The following LRRTM4 variants were observed in gnomAD, a reference collection of about 807,000 sequenced individuals.
LRRTM4 encodes leucine rich repeat transmembrane neuronal 4.
In LRRTM4, 25 loss-of-function variants were observed where a neutral mutation model predicts 47.6. The ratio of observed to expected loss-of-function variants is 0.53; its 90% CI spans 0.38 to 0.73. The LOEUF (loss-of-function observed/expected upper bound fraction) is 0.73. Among genes scored for constraint, LRRTM4 ranks in the 30% least tolerant of loss-of-function variants. The pLI, the probability that LRRTM4 is intolerant of heterozygous loss-of-function variation, is 0.00. For synonymous variants in LRRTM4, 311 were observed against 269.5 expected, an observed-to-expected ratio of 1.15 and a Z score of -1.51; for missense variants, 638 against 713.4, an observed-to-expected ratio of 0.89 and a Z score of 1.20.
At chr2:77,276,569 C>A (rs956332553) in intron 3 of LRRTM4, among the ~76,000 whole-genome samples, 1 of 149,540 alleles carries the variant, frequency 6.7e-6, no homozygotes, top group Non-Finnish European at 1.5e-5. Context: ...CATTTATTAT[C>A]GTCTTGCATA....
chr2:77,504,158 T>C (rs1231484370), intron 3 of LRRTM4, among the ~76,000 whole-genome samples: 1 of 151,710 alleles, frequency 6.6e-6, no homozygotes, highest in African/African-American at 2.4e-5. Context: ...AAAAATGATA[T>C]AGATTCAGGT....
intron 3 of LRRTM4, among the ~76,000 whole-genome samples, chr2:77,228,200 G>A (rs1674866226): frequency 6.6e-6 from 1 of 151,872 alleles, no homozygotes; most frequent in Non-Finnish European, 1.5e-5. Context: ...TTATTATTTG[G>A]GTGCTGTCCA....
intron 3 of LRRTM4, among the ~76,000 whole-genome samples, chr2:77,084,044 A>T (rs1485656499): frequency 4.0e-5 from 6 of 151,694 alleles, no homozygotes; most frequent in Non-Finnish European, 5.9e-5. Flanking sequence ...TGACCTCGTG[A>T]TCCACCCGCC....
At chr2:77,516,911 T>G in intron 3 of LRRTM4, 1 of 984,584 alleles carries the variant, frequency 1.0e-6, no homozygotes, top group Non-Finnish European at 1.2e-6. Flanking sequence ...AAAATTGGAG[T>G]ATATGCTATC....
intron 3 of LRRTM4, among the ~76,000 whole-genome samples, chr2:77,198,455 A>G (rs770292470): frequency 3.3e-5 from 5 of 152,194 alleles, no homozygotes; most frequent in African/African-American, 4.8e-5. Flanking sequence ...TAATCATTTT[A>G]AGTACAATGT....
intron 3 of LRRTM4, among the ~76,000 whole-genome samples, chr2:77,212,783 AT>A (rs2103926597): frequency 6.6e-6 from 1 of 152,182 alleles, no homozygotes; most frequent in Non-Finnish European, 1.5e-5. Context: ...CATTAGGCAA[AT>A]TTACCTCTAA....
chr2:77,197,439 G>A (rs1437114197), intron 3 of LRRTM4, among the ~76,000 whole-genome samples: 1 of 152,066 alleles, frequency 6.6e-6, no homozygotes, highest in Admixed American at 6.6e-5. Flanking sequence ...TTGAAATGAG[G>A]AGCAGCATCT....
intron 3 of LRRTM4, among the ~76,000 whole-genome samples, chr2:77,024,905 G>A (rs1678400640): frequency 6.6e-6 from 1 of 151,888 alleles, no homozygotes; most frequent in Non-Finnish European, 1.5e-5. Context: ...TTGATAATGT[G>A]GATAATATTT....
chr2:77,053,231 C>T (rs1329281885), intron 3 of LRRTM4, among the ~76,000 whole-genome samples: 1 of 152,112 alleles, frequency 6.6e-6, no homozygotes, highest in Non-Finnish European at 1.5e-5. Context: ...ACAACTTTCT[C>T]CTATATCTCC....
chr2:76,787,268 C>G (rs1422222421), intron 3 of LRRTM4, among the ~76,000 whole-genome samples: 1 of 152,088 alleles, frequency 6.6e-6, no homozygotes, highest in Admixed American at 6.6e-5. Context: ...TTAGAATGCA[C>G]AATTGGCATA....
intron 3 of LRRTM4, among the ~76,000 whole-genome samples, chr2:77,340,616 A>G (rs1416587670): frequency 6.6e-6 from 1 of 151,998 alleles, no homozygotes; most frequent in Admixed American, 6.6e-5. Flanking sequence ...AAGAATTGGT[A>G]GGGATGGAAT....
intron 3 of LRRTM4, among the ~76,000 whole-genome samples, chr2:77,158,989 A>G (rs10194744): frequency 0.03 from 4,612 of 152,264 alleles, 239 homozygotes; most frequent in African/African-American, 0.1. Flanking sequence ...ATATTTCCCC[A>G]TAACATAGCT....
chr2:76,844,300 A>C (rs1020394847), intron 3 of LRRTM4, among the ~76,000 whole-genome samples: 20 of 150,682 alleles, frequency 1.3e-4, no homozygotes, highest in South Asian at 4.2e-4. Context: ...ACGCCCGGCT[A>C]ATTTTTTTGT....
intron 3 of LRRTM4, among the ~76,000 whole-genome samples, chr2:76,775,319 C>G (rs1001625309): frequency 6.6e-6 from 1 of 151,930 alleles, no homozygotes; most frequent in Non-Finnish European, 1.5e-5. Context: ...TATATAGTAC[C>G]ATGTGTAATG....
intron 3 of LRRTM4, among the ~76,000 whole-genome samples, chr2:76,971,867 G>A (rs78251880): frequency 0.021 from 3,123 of 151,862 alleles, 90 homozygotes; most frequent in African/African-American, 0.067. Flanking sequence ...CATCTATAAC[G>A]TTTAAATTGT....
intron 3 of LRRTM4, among the ~76,000 whole-genome samples, chr2:77,466,420 TGA>T (rs1676984348): frequency 6.6e-6 from 1 of 152,204 alleles, no homozygotes; most frequent in South Asian, 2.1e-4. Flanking sequence ...GTTAATGTTC[TGA>T]GAGAGATGCC....
intron 3 of LRRTM4, among the ~76,000 whole-genome samples, chr2:77,382,605 T>A (rs1228185440): frequency 6.6e-6 from 1 of 152,126 alleles, no homozygotes; most frequent in Admixed American, 6.6e-5. Context: ...ATTTTCCTAT[T>A]GTCTGCTTCA....
chr2:77,168,531 A>G (rs1227411160), intron 3 of LRRTM4, among the ~76,000 whole-genome samples: 2 of 152,134 alleles, frequency 1.3e-5, no homozygotes, highest in African/African-American at 2.4e-5. Context: ...AATCACCTCA[A>G]AAATGTTTTC....
intron 3 of LRRTM4, among the ~76,000 whole-genome samples, chr2:77,413,750 T>A (rs1037963007): frequency 1.3e-5 from 2 of 152,046 alleles, no homozygotes; most frequent in African/African-American, 4.8e-5. Context: ...ATGCACACTA[T>A]CACCTAATGG....
Sources: allele counts gnomAD v4.1 joint callset (sites outside exome capture counted in the v4.1 genomes callset), GRCh38; gene constraint gnomAD v4.1.1; transcripts MANE v1.5; gene names NCBI Gene and HGNC (gene_info 2026-07-23, HGNC 2026-07-21).